NMNAT1: variants seen among roughly 807,000 people sequenced by gnomAD.
NMNAT1 encodes the protein nicotinamide/nicotinic acid mononucleotide adenylyltransferase 1.
Under a neutral mutation model 16.7 loss-of-function variants are expected in NMNAT1, and 11 were observed. The ratio of observed to expected loss-of-function variants is 0.66; its 90% confidence interval spans 0.41 to 1.09. The LOEUF (loss-of-function observed/expected upper bound fraction) is 1.09. NMNAT1 is among the 50% of genes least tolerant of loss of function. The pLI, the probability that NMNAT1 is intolerant of heterozygous loss-of-function variation, is 0.00. For missense variants in NMNAT1, 280 were observed against 332.3 expected, an observed-to-expected ratio of 0.84 and a Z score of 1.22; for synonymous variants, 110 against 119.8, an observed-to-expected ratio of 0.92 and a Z score of 0.53.
chr1:9,952,129 T>G (rs1641129417), intron 1 of NMNAT1, among the ~76,000 whole-genome samples: 1 of 151,596 alleles, frequency 6.6e-6, no homozygotes, highest in Non-Finnish European at 1.5e-5. Context: ...AAACCCCATC[T>G]CTACTAAAAA....
chr1:9,988,364 G>A (rs929947092), downstream of NMNAT1, among the ~76,000 whole-genome samples: 2 of 151,904 alleles, frequency 1.3e-5, no homozygotes, highest in African/African-American at 4.8e-5. Flanking sequence ...CCATAATTTT[G>A]CTCTCAAATG....
intron 1 of NMNAT1, chr1:9,967,382 G>C (rs1641572289): frequency 6.5e-6 from 1 of 154,022 alleles, no homozygotes; most frequent in Non-Finnish European, 1.5e-5. Context: ...TCCTACTGGA[G>C]CATATTCTCA....
chr1:9,992,087 A>T, the NMNAT1 span, among the ~76,000 whole-genome samples: 6 of 139,726 alleles, frequency 4.3e-5, no homozygotes, highest in African/African-American at 7.9e-5. Flanking sequence ...TTAGGTTTAG[A>T]TTTTTTTTTT....
chr1:9,980,257 C>T (rs1641911806), intron 3 of NMNAT1, among the ~76,000 whole-genome samples: 1 of 151,670 alleles, frequency 6.6e-6, no homozygotes. Flanking sequence ...TTTTTTTAGT[C>T]TTCCACAACA....
At chr1:9,951,258 G>A (rs571411833) in intron 1 of NMNAT1, 3 of 152,282 alleles carry the variant, frequency 2.0e-5, no homozygotes, top group East Asian at 3.9e-4. Context: ...CTCACCGACA[G>A]GAGCACAGAC....
intron 1 of NMNAT1, among the ~76,000 whole-genome samples, chr1:9,968,134 C>T (rs577276687): frequency 1.5e-4 from 19 of 125,138 alleles, no homozygotes; most frequent in African/African-American, 4.1e-4. Flanking sequence ...TGCAGTGGCA[C>T]GATCTTGGCT....
chr1:9,989,891 C>T (rs1642089060), downstream of NMNAT1, among the ~76,000 whole-genome samples: 3 of 152,158 alleles, frequency 2.0e-5, no homozygotes, highest in South Asian at 4.1e-4. Context: ...GGCACCCTCA[C>T]CAGATGCTGC....
At chr1:9,979,992 C>T (rs922764991) in intron 3 of NMNAT1, among the ~76,000 whole-genome samples, 9 of 151,292 alleles carry the variant, frequency 5.9e-5, no homozygotes, top group African/African-American at 1.2e-4. Context: ...AGTGCAATAG[C>T]GCAATCATGG....
In NMNAT1 at chr1:9,975,746, G is replaced by T. The variant is rs749272184; in HGVS notation, c.270G>T (p.Lys90Asn). The part of the protein sequence containing the change: ...VEVDTWESLQ[K>N]EWKETLKVLR... Reference sequence around the variant, plus strand: ...TTGATACATGGGAAAGTCTTCAGAAGGAGTGGAAAGAGACTCTGAAGGTGC... The same window carrying T: ...TTGATACATGGGAAAGTCTTCAGAATGAGTGGAAAGAGACTCTGAAGGTGC... The change falls in exon 3 of 5, where the codon AAG (lysine) becomes AAT (asparagine). Residue 90 changes from lysine to asparagine, a missense_variant. Coordinates refer to ENST00000377205, the MANE Select transcript of NMNAT1 (RefSeq NM_022787.4). The T allele has an allele frequency of 1.2e-5, 19 of 1,613,642 alleles. No homozygotes were observed. Among genetic ancestry groups the T allele is most frequent in the Non-Finnish European group, 1.6e-5 (19 of 1,179,862 alleles).
At chr1:9,945,640 C>T (rs910594638) in intron 1 of NMNAT1, among the ~76,000 whole-genome samples, 2 of 152,178 alleles carry the variant, frequency 1.3e-5, no homozygotes, top group Non-Finnish European at 2.9e-5. Flanking sequence ...GCGGAGGTTG[C>T]AGTGAGCCGA....
chr1:9,989,735 T>C (rs890840619), downstream of NMNAT1, among the ~76,000 whole-genome samples: 1 of 152,228 alleles, frequency 6.6e-6, no homozygotes, highest in South Asian at 2.1e-4. Context: ...TCATTCCTCC[T>C]GGACACTGGA....
At chr1:9,987,514 C>CAT (rs1287128160), downstream of NMNAT1, among the ~76,000 whole-genome samples, 1 of 151,824 alleles carries the variant, frequency 6.6e-6, no homozygotes, top group Non-Finnish European at 1.5e-5. Context: ...GTGGCGGGTG[C>CAT]CTATAGTCCC....
intron 1 of NMNAT1, chr1:9,956,029 G>C (rs960696481): frequency 6.6e-6 from 1 of 152,054 alleles, no homozygotes; most frequent in African/African-American, 2.4e-5. Flanking sequence ...GTTCATCTTG[G>C]CTGTAGGCAA....
At chr1:9,970,767 C>A (rs1436453731) in intron 1 of NMNAT1, among the ~76,000 whole-genome samples, 1 of 151,622 alleles carries the variant, frequency 6.6e-6, no homozygotes, top group African/African-American at 2.4e-5. Flanking sequence ...ATGGAAGGAT[C>A]AGTGGAATAA....
rs199748436 is a variant in NMNAT1, at chr1:9,972,151, G to A, written c.78G>A (p.Arg26=). The A allele has an allele frequency of 7.8e-5, 126 of 1,612,364 alleles. No homozygotes were observed. The highest frequency in any genetic ancestry group is 1.0e-4 in the Non-Finnish European group (122 of 1,178,642). The change falls in exon 2 of 5, where the codon AGG becomes AGA. Residue 26 remains arginine (R), a synonymous_variant. Coordinates refer to ENST00000377205, the MANE Select transcript of NMNAT1 (RefSeq NM_022787.4). The part of the protein sequence containing the change: ...SFNPITNMHL[R]LFELAKDYMN... ...ATCCCATCACCAACATGCACCTCAG[G>A]TTGTTTGAGCTGGCCAAGGACTACA...
chr1:9,986,735 A>G (rs868636122), downstream of NMNAT1, among the ~76,000 whole-genome samples: 7 of 152,130 alleles, frequency 4.6e-5, no homozygotes, highest in Middle Eastern at 3.4e-3. Flanking sequence ...TACAAAAATT[A>G]GCTGGGTGTG....
intron 3 of NMNAT1, among the ~76,000 whole-genome samples, chr1:9,977,844 T>G (rs1180442182): frequency 1.3e-5 from 2 of 151,850 alleles, no homozygotes; most frequent in Non-Finnish European, 2.9e-5. Context: ...GGCAGCAGAA[T>G]GAGACTGTCT....
At chr1:9,966,467 G>A (rs1456177296) in intron 1 of NMNAT1, among the ~76,000 whole-genome samples, 1 of 151,972 alleles carries the variant, frequency 6.6e-6, no homozygotes. Flanking sequence ...ACAAAAATTA[G>A]CTGGGCATGG....
intron 3 of NMNAT1, among the ~76,000 whole-genome samples, chr1:9,980,516 G>A (rs1405365604): frequency 2.6e-5 from 4 of 151,306 alleles, no homozygotes; most frequent in Non-Finnish European, 4.4e-5. Context: ...CCAGCTGCTC[G>A]GGAGGCTGAG....
Sources: gnomAD v4.1 joint callset for allele counts (sites outside exome capture counted in the v4.1 genomes callset) on GRCh38, gnomAD v4.1.1 for gene constraint, MANE v1.5 for transcripts, NCBI Gene and HGNC (gene_info 2026-07-23, HGNC 2026-07-21) for gene names.